DSCAM: variants seen among roughly 807,000 people sequenced by gnomAD.
The protein encoded by DSCAM is DS cell adhesion molecule.
Under a neutral mutation model 217.7 loss-of-function variants are expected in DSCAM, and 47 were observed. The ratio of observed to expected loss-of-function variants is 0.22; its 90% CI spans 0.17 to 0.28. The LOEUF (loss-of-function observed/expected upper bound fraction) is 0.28, where lower values mean the gene tolerates loss of function less well. Among genes scored for constraint, DSCAM ranks in the 10% least tolerant of loss-of-function variants. DSCAM has a pLI of 1.00. For synonymous variants in DSCAM, 1,056 were observed against 1,015.3 expected (o/e 1.04, Z -0.76); for missense variants, 2,080 against 2,618.3 (o/e 0.79, Z 4.49).
At chr21:40,839,820 G>A (rs1188476756) in intron 1 of DSCAM, among the ~76,000 whole-genome samples, 1 of 151,932 alleles carries the variant, frequency 6.6e-6, no homozygotes, top group African/African-American at 2.4e-5. Flanking sequence ...CTTACTCACT[G>A]TCTTCTCAGT....
chr21:40,153,470 A>G (rs1290238324), intron 16 of DSCAM, among the ~76,000 whole-genome samples: 1 of 152,220 alleles, frequency 6.6e-6, no homozygotes, highest in Non-Finnish European at 1.5e-5. Context: ...ACCCAGGTGC[A>G]AGGACAGAAG....
intron 3 of DSCAM, among the ~76,000 whole-genome samples, chr21:40,488,544 G>A (rs2076048994): frequency 6.6e-6 from 1 of 152,062 alleles, no homozygotes; most frequent in African/African-American, 2.4e-5. Context: ...TGGGCACAGA[G>A]TGACACATGC....
intron 19 of DSCAM, among the ~76,000 whole-genome samples, chr21:40,130,005 A>G (rs941860386): frequency 3.3e-5 from 5 of 152,136 alleles, no homozygotes; most frequent in African/African-American, 1.2e-4. Context: ...GAGATCACAT[A>G]TTACACCTGC....
intron 15 of DSCAM, among the ~76,000 whole-genome samples, chr21:40,175,064 C>CT (rs1250412220): frequency 6.6e-6 from 1 of 152,184 alleles, no homozygotes; most frequent in Non-Finnish European, 1.5e-5. Context: ...GCTGCTATAA[C>CT]AAAGTACTCT....
chr21:40,098,774 T>C (rs984175665), intron 20 of DSCAM, among the ~76,000 whole-genome samples: 3 of 152,212 alleles, frequency 2.0e-5, no homozygotes, highest in African/African-American at 7.2e-5. Flanking sequence ...GTACACAGTG[T>C]CAGATGATTT....
intron 20 of DSCAM, among the ~76,000 whole-genome samples, chr21:40,097,273 A>G (rs537547460): frequency 8.3e-4 from 126 of 152,322 alleles, no homozygotes; most frequent in African/African-American, 2.9e-3. Context: ...ATGGAAGTAT[A>G]TGATTGTAAG....
intron 30 of DSCAM, among the ~76,000 whole-genome samples, chr21:40,050,728 G>A (rs1401747285): frequency 3.9e-5 from 6 of 152,036 alleles, no homozygotes; most frequent in African/African-American, 1.2e-4. Flanking sequence ...TGATCCGACC[G>A]CCTCGGCCTC....
At chr21:40,141,190 A>G (rs2090285546) in intron 18 of DSCAM, among the ~76,000 whole-genome samples, 1 of 152,222 alleles carries the variant, frequency 6.6e-6, no homozygotes, top group Admixed American at 6.5e-5. Flanking sequence ...GTTTACCTGC[A>G]TGGGGACAGG....
intron 1 of DSCAM, among the ~76,000 whole-genome samples, chr21:40,724,897 CT>C (rs759405032): frequency 2.6e-4 from 39 of 152,332 alleles, no homozygotes; most frequent in South Asian, 1.9e-3. Context: ...TTACAGAAAT[CT>C]AATGTTTTAA....
chr21:40,494,889 T>A (rs1601689499), intron 3 of DSCAM, among the ~76,000 whole-genome samples: 15 of 130,444 alleles, frequency 1.1e-4, no homozygotes, highest in South Asian at 4.9e-4. Flanking sequence ...GAAGACAAAA[T>A]CAGAAATAAA....
At chr21:40,269,263 T>C (rs908666879) in intron 11 of DSCAM, among the ~76,000 whole-genome samples, 1 of 152,136 alleles carries the variant, frequency 6.6e-6, no homozygotes, top group Non-Finnish European at 1.5e-5. Context: ...ATAAACCTCT[T>C]TTGCAGAGTC....
At chr21:40,494,598 G>C (rs897294087) in intron 3 of DSCAM, among the ~76,000 whole-genome samples, 1 of 151,754 alleles carries the variant, frequency 6.6e-6, no homozygotes, top group Non-Finnish European at 1.5e-5. Context: ...AAACTTATAG[G>C]ATGTAGCAAA....
At chr21:40,141,216 A>G (rs116222730) in intron 18 of DSCAM, among the ~76,000 whole-genome samples, 3,488 of 152,292 alleles carry the variant, frequency 0.023, 152 homozygotes, top group African/African-American at 0.079. Flanking sequence ...GCCTGGTAGA[A>G]CAGATCCAGG....
intron 20 of DSCAM, among the ~76,000 whole-genome samples, chr21:40,097,747 C>G (rs886756363): frequency 6.6e-6 from 1 of 151,716 alleles, no homozygotes; most frequent in Non-Finnish European, 1.5e-5. Context: ...TAAGACCATC[C>G]TAGCCAACGT....
chr21:40,412,968 C>G (rs2075337128), intron 3 of DSCAM, among the ~76,000 whole-genome samples: 1 of 152,246 alleles, frequency 6.6e-6, no homozygotes, highest in Non-Finnish European at 1.5e-5. Context: ...AAGGGACCAA[C>G]ATAGAGCTCA....
At chr21:40,233,187 A>G (rs1031591219) in intron 11 of DSCAM, among the ~76,000 whole-genome samples, 1 of 152,248 alleles carries the variant, frequency 6.6e-6, no homozygotes, top group Admixed American at 6.5e-5. Context: ...AGTTTTTTTT[A>G]AAATCCCTTA....
intron 11 of DSCAM, among the ~76,000 whole-genome samples, chr21:40,225,707 C>T (rs928847732): frequency 6.6e-6 from 1 of 152,166 alleles, no homozygotes; most frequent in Admixed American, 6.5e-5. Context: ...CCTATTACCG[C>T]TGGGGTCCAC....
chr21:40,831,532 C>T (rs1193664558), intron 1 of DSCAM, among the ~76,000 whole-genome samples: 1 of 152,174 alleles, frequency 6.6e-6, no homozygotes, highest in Non-Finnish European at 1.5e-5. Context: ...CTCACAATTT[C>T]AGCCTCCAAT....
chr21:40,642,029 A>AGAGT (rs10663304), intron 3 of DSCAM, among the ~76,000 whole-genome samples: 71,562 of 143,656 alleles, frequency 0.5, 18,156 homozygotes, highest in Admixed American at 0.58. Flanking sequence ...CCTGGGTGAC[A>AGAGT]GAGACTCTGT....
Sources: allele counts gnomAD v4.1 joint callset (sites outside exome capture counted in the v4.1 genomes callset), GRCh38; gene constraint gnomAD v4.1.1; transcripts MANE v1.5; gene names NCBI Gene and HGNC (gene_info 2026-07-23, HGNC 2026-07-21).